ADAMTS17: variants seen among roughly 807,000 people sequenced by gnomAD.
The protein encoded by ADAMTS17 is A disintegrin and metalloproteinase with thrombospondin motifs 17.
A neutral mutation model predicts 141.5 loss-of-function variants in ADAMTS17; 113 were observed. The ratio of observed to expected loss-of-function variants is 0.80; its 90% CI spans 0.69 to 0.93. The LOEUF (loss-of-function observed/expected upper bound fraction) is 0.93, where lower values mean the gene tolerates loss of function less well. Ranked by LOEUF, ADAMTS17 falls within the 40% of genes least tolerant of loss-of-function variation. ADAMTS17 has a pLI of 0.00. For synonymous variants in ADAMTS17, 768 were observed against 630.6 expected (o/e 1.22, Z -3.27); for missense variants, 1,659 against 1,517.9 (o/e 1.09, Z -1.54).
At chr15:100,223,979 T>C (rs528075009) in intron 7 of ADAMTS17, among the ~76,000 whole-genome samples, 5 of 152,190 alleles carry the variant, frequency 3.3e-5, no homozygotes, top group African/African-American at 9.6e-5. Flanking sequence ...GCATCCAGCA[T>C]GGGAGAAAGA....
At chr15:100,196,616 G>C (rs1228118141) in intron 8 of ADAMTS17, among the ~76,000 whole-genome samples, 5 of 152,228 alleles carry the variant, frequency 3.3e-5, no homozygotes, top group Non-Finnish European at 5.9e-5. Context: ...CGGTGGGTGA[G>C]CCACCTGGAG....
At chr15:100,151,639 C>A (rs142325557) in intron 10 of ADAMTS17, among the ~76,000 whole-genome samples, 1 of 152,314 alleles carries the variant, frequency 6.6e-6, no homozygotes, top group African/African-American at 2.4e-5. Flanking sequence ...GTTCCACATA[C>A]CCCTGGCTGG....
chr15:100,073,796 G>A (rs1272563820), intron 15 of ADAMTS17, among the ~76,000 whole-genome samples: 2 of 150,682 alleles, frequency 1.3e-5, no homozygotes, highest in Admixed American at 6.6e-5. Context: ...GATAGCATTA[G>A]GAGATATACC....
In ADAMTS17 at chr15:100,341,404, C is replaced by G. The variant is rs1446080754; in HGVS notation, c.85G>C (p.Gly29Arg). 6.9e-6 allele frequency: 7 copies of G among 1,016,428 alleles called. No homozygotes were observed. The highest frequency in any genetic ancestry group is 8.2e-6 in the Non-Finnish European group (7 of 852,026). 63.0% of individuals were successfully genotyped at this position (1,016,428 alleles called of 1,614,324 possible). Reference protein sequence around the residue: ...VWGLDPGTAVGDAAADVEVVL... With the variant: ...VWGLDPGTAVRDAAADVEVVL... Reference sequence around the variant, plus strand: ...ACCTCCACGTCGGCCGCCGCGTCGCCGACAGCTGCGGGGAGAGAGGAGACG... The same window carrying G: ...ACCTCCACGTCGGCCGCCGCGTCGCGGACAGCTGCGGGGAGAGAGGAGACG... Residue 29 changes from glycine to arginine, a missense_variant, in exon 2 of 22, where the codon GGC (glycine) becomes CGC (arginine). Gly to Arg is a moderately radical substitution (Grantham distance 125). Transcript: ENST00000268070.
chr15:100,054,293 G>C (rs536330482), intron 15 of ADAMTS17, among the ~76,000 whole-genome samples: 1 of 152,278 alleles, frequency 6.6e-6, no homozygotes, highest in East Asian at 1.9e-4. Context: ...GGGATTGATG[G>C]GCACCTTTCA....
intron 19 of ADAMTS17, among the ~76,000 whole-genome samples, chr15:99,996,202 G>A (rs973042809): frequency 6.6e-6 from 1 of 152,050 alleles, no homozygotes; most frequent in African/African-American, 2.4e-5. Flanking sequence ...TTACAGGCAT[G>A]CGCCACCATG....
At chr15:100,047,161 T>C (rs548840061) in intron 18 of ADAMTS17, among the ~76,000 whole-genome samples, 1 of 151,480 alleles carries the variant, frequency 6.6e-6, no homozygotes, top group Non-Finnish European at 1.5e-5. Context: ...CCAGGCTTAT[T>C]AGGATGAGGA....
Position 100,341,261 on chromosome 15 carries a change from G to T in ADAMTS17, c.228C>A (p.Pro76=). The T allele has an allele frequency of 7.7e-7, 1 of 1,294,814 alleles. No homozygotes were observed. Among genetic ancestry groups the T allele is most frequent in the Non-Finnish European group, 9.8e-7 (1 of 1,020,716 alleles). 80.2% of individuals were successfully genotyped at this position (1,294,814 alleles called of 1,614,324 possible). A position where few individuals can be genotyped will look rare whatever the true frequency, so the allele number is the denominator to read the frequency against. The change falls in exon 2 of 22, where the codon CCC becomes CCA. Residue 76 remains proline, a synonymous_variant. Transcript: ENST00000268070. ...RTPPAAPRAR[P]GERALLLHLP... ...GGTGCAGCAGCAGGGCGCGCTCTCC[G>T]GGCCGGGCGCGCGGGGCGGCTGGGG...
At chr15:100,138,434 G>A (rs553262196) in intron 10 of ADAMTS17, among the ~76,000 whole-genome samples, 3 of 152,272 alleles carry the variant, frequency 2.0e-5, no homozygotes, top group African/African-American at 7.2e-5. Flanking sequence ...CAAGCTAGCA[G>A]CAAGATATTA....
At chr15:100,057,181 A>C (rs936665987) in intron 15 of ADAMTS17, among the ~76,000 whole-genome samples, 5 of 152,130 alleles carry the variant, frequency 3.3e-5, no homozygotes, top group African/African-American at 7.2e-5. Context: ...AGTGGAAGGT[A>C]AAGTTTTTTC....
In ADAMTS17 at chr15:100,261,496, A is replaced by G. The variant is rs2043514255; in HGVS notation, c.1014T>C (p.Ala338=). ...GGKDDPPLVD[A]AVFVTRTDFC... is the part of the protein sequence containing the mutation. Reference sequence around the variant, plus strand: ...CATCTTACCTGGTCACAAACACGGCAGCATCCACCAGGGGCGGGTCGTCCT... The same window carrying G: ...CATCTTACCTGGTCACAAACACGGCGGCATCCACCAGGGGCGGGTCGTCCT... The change falls in exon 6 of 22, where the codon GCT becomes GCC. Residue 338 remains alanine, a synonymous_variant. Transcript: ENST00000268070. 6.2e-7 allele frequency: 1 copy of G among 1,614,016 alleles called. No homozygotes were observed. Among genetic ancestry groups the G allele is most frequent in the Admixed American group, 1.7e-5 (1 of 60,008 alleles).
chr15:100,212,067 CTTA>C (rs1357879372), intron 7 of ADAMTS17, among the ~76,000 whole-genome samples: 4 of 152,302 alleles, frequency 2.6e-5, no homozygotes, highest in African/African-American at 7.2e-5. Flanking sequence ...TCGGTAGCCT[CTTA>C]TGTGTATGCA....
intron 18 of ADAMTS17, among the ~76,000 whole-genome samples, chr15:100,005,001 C>A (rs866074454): frequency 2.0e-5 from 3 of 152,256 alleles, no homozygotes; most frequent in South Asian, 4.1e-4. Flanking sequence ...AGTGATCTGC[C>A]TGCCTCGGCC....
intron 4 of ADAMTS17, among the ~76,000 whole-genome samples, chr15:100,265,185 A>G (rs540837149): frequency 6.6e-6 from 1 of 152,318 alleles, no homozygotes; most frequent in African/African-American, 2.4e-5. Context: ...CTCAGAGCAC[A>G]GGGCAAGGCG....
At chr15:99,995,307 C>T (rs962220244) in intron 19 of ADAMTS17, among the ~76,000 whole-genome samples, 1 of 152,256 alleles carries the variant, frequency 6.6e-6, no homozygotes, top group African/African-American at 2.4e-5. Context: ...TGCCTAAGTT[C>T]ACTCTTGCCT....
intron 7 of ADAMTS17, among the ~76,000 whole-genome samples, chr15:100,217,657 T>C (rs911152304): frequency 2.6e-5 from 4 of 152,204 alleles, no homozygotes; most frequent in East Asian, 1.9e-4. Flanking sequence ...AATGATTTCA[T>C]AGGTATGATA....
At chr15:100,238,539 T>A (rs2042729968) in intron 7 of ADAMTS17, among the ~76,000 whole-genome samples, 1 of 152,196 alleles carries the variant, frequency 6.6e-6, no homozygotes, top group Admixed American at 6.5e-5. Context: ...GAATCTGTGA[T>A]GGACACAGCA....
intron 8 of ADAMTS17, among the ~76,000 whole-genome samples, chr15:100,180,839 A>G (rs59070105): frequency 0.046 from 6,970 of 152,260 alleles, 184 homozygotes; most frequent in East Asian, 0.14. Flanking sequence ...ATGTTCTCTC[A>G]AAGTCCCAGG....
At chr15:100,150,952 A>G (rs2039133198) in intron 10 of ADAMTS17, among the ~76,000 whole-genome samples, 1 of 152,190 alleles carries the variant, frequency 6.6e-6, no homozygotes, top group Admixed American at 6.5e-5. Flanking sequence ...CACTGCAGGG[A>G]CTGAGGAGGC....
Sources: gnomAD v4.1 joint callset for allele counts (sites outside exome capture counted in the v4.1 genomes callset) on GRCh38, gnomAD v4.1.1 for gene constraint, MANE v1.5 for transcripts, NCBI Gene and HGNC (gene_info 2026-07-23, HGNC 2026-07-21) for gene names.